Variants in DIP2C observed in about 807,000 individuals in gnomAD.
DIP2C encodes disco-interacting protein 2 homolog C.
Under a neutral mutation model 192.4 loss-of-function variants are expected in DIP2C, and 33 were observed. The observed-to-expected ratio is 0.17, with a 90% CI of 0.13 to 0.23. The LOEUF (loss-of-function observed/expected upper bound fraction) is 0.23, where lower values mean the gene tolerates loss of function less well. DIP2C is among the 10% of genes least tolerant of loss of function. The pLI is 1.00. For synonymous variants in DIP2C, 979 were observed against 864.1 expected, an observed-to-expected ratio of 1.13 and a Z score of -2.33; for missense variants, 1,537 against 2,110.1, an observed-to-expected ratio of 0.73 and a Z score of 5.32.
intron 1 of DIP2C, among the ~76,000 whole-genome samples, chr10:600,051 C>A (rs1404077817): frequency 6.6e-6 from 1 of 152,196 alleles, no homozygotes; most frequent in Non-Finnish European, 1.5e-5. Context: ...ACTTCATTCC[C>A]CGGGCCCAGC....
At chr10:395,187 GAC>G (rs1963891960) in intron 10 of DIP2C, among the ~76,000 whole-genome samples, 2 of 150,994 alleles carry the variant, frequency 1.3e-5, no homozygotes, top group East Asian at 3.9e-4. Context: ...GGTCAGAAGA[GAC>G]AAAGCCTCAG....
chr10:566,959 T>G (rs1161847473), intron 1 of DIP2C, among the ~76,000 whole-genome samples: 1 of 152,206 alleles, frequency 6.6e-6, no homozygotes, highest in African/African-American at 2.4e-5. Context: ...GAACTGATGT[T>G]CCGGTGGCTC....
chr10:674,826 A>AGAGAGACC lies in DIP2C; in HGVS notation c.85+14667_85+14668insGGTCTCTC, dbSNP rs1201758510. ...GAGAGAGAGAGAGAGAGAGAGAGAGAGAGACCAACACAACAATAGTAGGGG... is the reference window on the plus strand; with the variant it reads ...GAGAGAGAGAGAGAGAGAGAGAGAGAGAGAGACCGAGACCAACACAACAATAGTAGGGG... On this transcript the variant is annotated intron_variant, in intron 1 of 36. Coordinates refer to ENST00000280886, the MANE Select transcript of DIP2C (RefSeq NM_014974.3). Among the ~76,000 whole-genome samples, 604 of 144,678 alleles carry AGAGAGACC rather than the reference A, an allele frequency of 4.2e-3. 13 individuals are homozygous for AGAGAGACC. Among genetic ancestry groups the AGAGAGACC allele is most frequent in the African/African-American group, 9.9e-3 (374 of 37,762 alleles). 94.9% of individuals were successfully genotyped at this position (144,678 alleles called of 152,430 possible).
intron 1 of DIP2C, among the ~76,000 whole-genome samples, chr10:609,998 T>C (rs113324199): frequency 3.2e-4 from 48 of 151,436 alleles, no homozygotes; most frequent in Middle Eastern, 6.8e-3. Context: ...GTGGCTCACG[T>C]CCCCCAAATA....
At chr10:547,440 AGAAG>A (rs1182221738) in intron 1 of DIP2C, among the ~76,000 whole-genome samples, 1 of 152,070 alleles carries the variant, frequency 6.6e-6, no homozygotes, top group East Asian at 1.9e-4. Flanking sequence ...CACATCACTG[AGAAG>A]GAAGGAAGGT....
At chr10:550,899 C>T (rs904960882) in intron 1 of DIP2C, among the ~76,000 whole-genome samples, 2 of 152,198 alleles carry the variant, frequency 1.3e-5, no homozygotes, top group Non-Finnish European at 2.9e-5. Flanking sequence ...CCTGCACACC[C>T]GATGCGAACC....
chr10:351,765 T>TTAC (rs1958822907), intron 24 of DIP2C, among the ~76,000 whole-genome samples: 1 of 152,036 alleles, frequency 6.6e-6, no homozygotes, highest in Non-Finnish European at 1.5e-5. Context: ...CTCTGAGCAT[T>TTAC]TACTCTTAGA....
chr10:526,231 T>C (rs1847042931), intron 1 of DIP2C, among the ~76,000 whole-genome samples: 1 of 152,200 alleles, frequency 6.6e-6, no homozygotes, highest in Admixed American at 6.5e-5. Context: ...CCGCGTGGTT[T>C]CCACTCTGAA....
chr10:281,949 TC>T (rs1954854841), intron 35 of DIP2C: 1 of 152,252 alleles, frequency 6.6e-6, no homozygotes, highest in Non-Finnish European at 1.5e-5. Context: ...AGGAAATATG[TC>T]CTAAATTTTT....
At chr10:658,090 ATGCTGGACCTGT>A (rs1856506195) in intron 1 of DIP2C, among the ~76,000 whole-genome samples, 2 of 127,252 alleles carry the variant, frequency 1.6e-5, no homozygotes, top group Non-Finnish European at 1.6e-5. Context: ...ACTGGACCTG[ATGCTGGACCTGT>A]CCCTGGACCT....
chr10:383,356 G>T (rs1028034956), intron 16 of DIP2C, among the ~76,000 whole-genome samples: 10 of 152,132 alleles, frequency 6.6e-5, no homozygotes, highest in African/African-American at 2.4e-4. Flanking sequence ...CATGAACGTT[G>T]CATGTTTCAT....
At chr10:390,240 TG>T (rs1963352350) in intron 12 of DIP2C, 23 bp downstream of exon 12, 1 of 1,608,920 alleles carries the variant, frequency 6.2e-7, no homozygotes. Context: ...TCAGGGCCAG[TG>T]GAGGAGGCCA....
intron 1 of DIP2C, among the ~76,000 whole-genome samples, chr10:530,209 G>A (rs887433757): frequency 5.9e-5 from 9 of 152,228 alleles, no homozygotes; most frequent in Non-Finnish European, 2.9e-5. Context: ...AGATCAAAGG[G>A]TGTCAGCAAC....
intron 3 of DIP2C, among the ~76,000 whole-genome samples, chr10:441,703 A>C (rs753019493): frequency 1.3e-5 from 2 of 152,184 alleles, no homozygotes; most frequent in Non-Finnish European, 2.9e-5. Flanking sequence ...AGCCATGCGG[A>C]ACTGCAAGGC....
chr10:523,721 C>CAAAGGACCCTGGAGTGAAGATGCA (rs1264621368), intron 1 of DIP2C, among the ~76,000 whole-genome samples: 6 of 149,686 alleles, frequency 4.0e-5, no homozygotes, highest in Non-Finnish European at 8.9e-5. Context: ...CTACTGGATG[C>CAAAGGACCCTGGAGTGAAGATGCA]AAAGGACCCT....
intron 1 of DIP2C, among the ~76,000 whole-genome samples, chr10:535,053 G>A (rs987475046): frequency 3.3e-5 from 5 of 152,184 alleles, no homozygotes; most frequent in African/African-American, 4.8e-5. Context: ...TGGGTTGAGG[G>A]GAGGCAGGAA....
intron 1 of DIP2C, among the ~76,000 whole-genome samples, chr10:581,460 GT>G (rs766523127): frequency 1.3e-5 from 2 of 151,670 alleles, no homozygotes; most frequent in South Asian, 2.1e-4. Flanking sequence ...GTACTTAGAG[GT>G]TTTTTTTAAA....
chr10:305,408 C>A (rs936909952), intron 32 of DIP2C, among the ~76,000 whole-genome samples: 2 of 94,944 alleles, frequency 2.1e-5, no homozygotes, highest in East Asian at 5.8e-4. Flanking sequence ...TATCTTCACT[C>A]CCTCCATTCT....
intron 1 of DIP2C, among the ~76,000 whole-genome samples, chr10:528,267 C>CCG (rs1400820916): frequency 8.5e-5 from 13 of 152,226 alleles, no homozygotes; most frequent in African/African-American, 3.1e-4. Context: ...CGCAGTGGCA[C>CCG]CGTCACGCAC....
Sources: gnomAD v4.1 joint callset for allele counts (sites outside exome capture counted in the v4.1 genomes callset) on GRCh38, gnomAD v4.1.1 for gene constraint, MANE v1.5 for transcripts, NCBI Gene and HGNC (gene_info 2026-07-23, HGNC 2026-07-21) for gene names.